Variants in NT5M observed in about 807,000 individuals in gnomAD.
NT5M encodes 5',3'-nucleotidase, mitochondrial.
Under a neutral mutation model 22.2 loss-of-function variants are expected in NT5M, and 22 were observed. The ratio of observed to expected loss-of-function variants is 0.99; its 90% CI spans 0.71 to 1.41. The LOEUF (loss-of-function observed/expected upper bound fraction) is 1.41. Ranked by LOEUF, NT5M falls within the 40% of genes most tolerant of loss-of-function variation. NT5M has a pLI of 0.00. For synonymous variants in NT5M, 167 were observed against 133.0 expected (o/e 1.26, Z -1.76); for missense variants, 322 against 314.8 (o/e 1.02, Z -0.17).
intron 2 of NT5M, among the ~76,000 whole-genome samples, chr17:17,315,751 TG>T (rs1399921463): frequency 0.037 from 2,804 of 76,240 alleles, 588 homozygotes; most frequent in African/African-American, 0.19. Context: ...AGGGTTTTTT[TG>T]TTTTTTTTTT....
intron 3 of NT5M, among the ~76,000 whole-genome samples, chr17:17,334,126 C>A (rs1328249069): frequency 1.3e-5 from 2 of 152,032 alleles, no homozygotes; most frequent in East Asian, 3.9e-4. Context: ...AGACACCGTG[C>A]CTGGTATGTT....
chr17:17,340,714 A>G (rs1194584140), intron 3 of NT5M, among the ~76,000 whole-genome samples: 1 of 151,730 alleles, frequency 6.6e-6, no homozygotes, highest in African/African-American at 2.4e-5. Flanking sequence ...TTTAGTAGAG[A>G]TGGGGTTTCA....
At chr17:17,343,616 G>A (rs1216195799) in intron 3 of NT5M, among the ~76,000 whole-genome samples, 4 of 152,164 alleles carry the variant, frequency 2.6e-5, no homozygotes, top group African/African-American at 9.7e-5. Context: ...CGGAGTCCCT[G>A]GGAGGGCAAG....
intron 1 of NT5M, among the ~76,000 whole-genome samples, chr17:17,304,735 G>T (rs904304079): frequency 7.9e-5 from 12 of 152,178 alleles, no homozygotes; most frequent in Non-Finnish European, 1.6e-4. Context: ...CTGCTCAGGG[G>T]CTCAGTCAGG....
intron 2 of NT5M, among the ~76,000 whole-genome samples, chr17:17,314,503 T>C (rs948815171): frequency 3.9e-5 from 6 of 152,126 alleles, no homozygotes; most frequent in South Asian, 2.1e-4. Context: ...TATTTAAATA[T>C]AGATTTACAA....
intron 3 of NT5M, among the ~76,000 whole-genome samples, chr17:17,341,579 C>T (rs1313132234): frequency 6.6e-6 from 1 of 152,208 alleles, no homozygotes; most frequent in Non-Finnish European, 1.5e-5. Flanking sequence ...CCCTGTGTCA[C>T]CACACAGGGA....
Position 17,303,756 on chromosome 17 carries a change from T to C in NT5M, c.206T>C (p.Leu69Pro), listed in dbSNP as rs773032923. Residue 69 changes from leucine to proline, a missense_variant, in exon 1 of 5, where the codon CTG becomes CCG. Leu to Pro is a moderately conservative substitution (Grantham distance 98). Transcript: ENST00000389022. Reference sequence around the variant, plus strand: ...TTTCCCGACCAGCCCTTCATCGCGCTGGAGGACCGGCGCGGCTTCTGGGTG... The same window carrying C: ...TTTCCCGACCAGCCCTTCATCGCGCCGGAGGACCGGCGCGGCTTCTGGGTG... ...ARFPDQPFIALEDRRGFWVSE... is the reference protein window; with the variant it reads ...ARFPDQPFIAPEDRRGFWVSE... 4 of 1,587,902 alleles carry C rather than the reference T, an allele frequency of 2.5e-6. No individual in the cohort carries two copies. In the South Asian group the frequency reaches 4.5e-5, roughly 18 times the overall value.
rs754225366 is a variant in NT5M, at chr17:17,346,877, C to A, written c.617C>A (p.Pro206His). ...CACAACCAGCACCTGCAGCTGCAGC[C>A]CCCCCGCCGCAGGCTGCACTCGTGG... ...ACHNQHLQLQ[P>H]PRRRLHSWAD... is the part of the protein sequence containing the mutation. The change falls in exon 5 of 5, where the codon CCC becomes CAC. Residue 206 changes from proline (P) to histidine (H), a missense_variant. Coordinates refer to ENST00000389022, the MANE Select transcript of NT5M (RefSeq NM_020201.4). 2.5e-5 allele frequency: 40 copies of A among 1,609,274 alleles called. No homozygotes were observed. The highest frequency in any genetic ancestry group is 3.3e-4 in the Middle Eastern group (2 of 6,056).
At chr17:17,325,402 C>T (rs915704792) in intron 3 of NT5M, among the ~76,000 whole-genome samples, 4 of 152,184 alleles carry the variant, frequency 2.6e-5, no homozygotes, top group South Asian at 2.1e-4. Context: ...GGCCTCAGGT[C>T]GGAAATCAGG....
chr17:17,323,853 T>C (rs1006829999), intron 3 of NT5M, among the ~76,000 whole-genome samples: 1 of 152,108 alleles, frequency 6.6e-6, no homozygotes, highest in African/African-American at 2.4e-5. Context: ...TTCATGTTCT[T>C]CACATGACCT....
chr17:17,306,467 C>G, intron 1 of NT5M, 76 bp from the exon 2 acceptor site: 2 of 975,304 alleles, frequency 2.1e-6, no homozygotes, highest in Non-Finnish European at 3.3e-6. Context: ...CCCCTATAGC[C>G]TGGCCATACT....
At chr17:17,339,607 T>C (rs11654778) in intron 3 of NT5M, among the ~76,000 whole-genome samples, 17,753 of 152,194 alleles carry the variant, frequency 0.12, 1,443 homozygotes, top group Non-Finnish European at 0.17. Context: ...TAGCCATATA[T>C]AGGTCTGTCA....
intron 3 of NT5M, among the ~76,000 whole-genome samples, chr17:17,326,134 T>C (rs1597779914): frequency 1.3e-5 from 2 of 152,356 alleles, no homozygotes; most frequent in East Asian, 3.9e-4. Context: ...TGCTTGCCAT[T>C]CATTTGACAC....
At chr17:17,318,576 C>G in intron 2 of NT5M, among the ~76,000 whole-genome samples, 1 of 149,982 alleles carries the variant, frequency 6.7e-6, no homozygotes. Context: ...ATCTGAGGTC[C>G]GGAGTTTGAG....
At position 17,346,863 on chromosome 17, in the gene NT5M, C is replaced by CCTGCAG. The variant is rs764592131; in HGVS notation, c.611_616dup (p.Leu204_Gln205dup). ...TCTTCACCGCCTGCCACAACCAGCA[C>CCTGCAG]CTGCAGCTGCAGCCCCCCCGCCGCA... is the stretch of plus-strand genomic sequence containing the variant. On this transcript the variant is annotated inframe_insertion, in exon 5 of 5. Coordinates refer to ENST00000389022, the MANE Select transcript of NT5M (RefSeq NM_020201.4). 2.4e-5 allele frequency: 39 copies of CCTGCAG among 1,608,720 alleles called. No individual in the cohort carries two copies. Among genetic ancestry groups the CCTGCAG allele is most frequent in the Non-Finnish European group, 3.2e-5 (38 of 1,179,944 alleles).
At position 17,346,963 on chromosome 17, in the gene NT5M, G is replaced by A. The variant is rs376788131; in HGVS notation, c.*16G>A. The A allele has an allele frequency of 3.9e-4, 631 of 1,609,620 alleles. No homozygotes were observed. Among genetic ancestry groups the A allele is most frequent in the Non-Finnish European group, 4.8e-4 (570 of 1,179,744 alleles). On this transcript the variant is annotated 3_prime_UTR_variant, in exon 5 of 5. Transcript: ENST00000389022. ...GCCCTGCTGAGCTGGACTGTGCTTC[G>A]GGCTCCTCTGTGGGGCTCTGACCTC...
At chr17:17,305,405 C>A (rs994631210) in intron 1 of NT5M, among the ~76,000 whole-genome samples, 1 of 129,844 alleles carries the variant, frequency 7.7e-6, no homozygotes, top group Non-Finnish European at 1.7e-5. Context: ...CCCCCCCCCC[C>A]CCGCCCCCAC....
chr17:17,340,776 T>C lies in NT5M; in HGVS notation c.430-4018T>C, dbSNP rs564044067. Among the ~76,000 whole-genome samples, 3 of 152,256 alleles carry C rather than the reference T, an allele frequency of 2.0e-5. 1 individual carries two copies. Among genetic ancestry groups the C allele is most frequent in the Admixed American group, 6.5e-5 (1 of 15,288 alleles). The stretch of plus-strand genomic sequence containing the variant: ...TCCTGACCTTGTGATCTGCCCGCCT[T>C]GGCCTCTCAAAGTGCTGGGATTACA... On this transcript the variant is annotated intron_variant, in intron 3 of 4. Transcript: ENST00000389022.
At chr17:17,304,302 TCA>T in intron 1 of NT5M, 2 of 601,844 alleles carry the variant, frequency 3.3e-6, no homozygotes, top group Non-Finnish European at 4.2e-6. Context: ...TTTCTGGGGG[TCA>T]CACAGTGAGT....
Sources: gnomAD v4.1 joint callset for allele counts (sites outside exome capture counted in the v4.1 genomes callset) on GRCh38, gnomAD v4.1.1 for gene constraint, MANE v1.5 for transcripts, NCBI Gene and HGNC (gene_info 2026-07-23, HGNC 2026-07-21) for gene names.